The following PDE4D variants were observed in gnomAD, a reference collection of about 807,000 sequenced individuals.
PDE4D encodes 3',5'-cyclic-AMP phosphodiesterase 4D.
PDE4D carries 24 observed loss-of-function variants against 87.4 expected under a neutral mutation model. That is an observed-to-expected ratio of 0.27 (90% CI 0.20 to 0.39). The LOEUF (loss-of-function observed/expected upper bound fraction) is 0.39. Ranked by LOEUF, PDE4D falls within the 10% of genes least tolerant of loss-of-function variation. The pLI is 1.00. For synonymous variants in PDE4D, 384 were observed against 383.2 expected (o/e 1.00, Z -0.02); for missense variants, 714 against 1,041.0 (o/e 0.69, Z 4.32).
intron 1 of PDE4D, among the ~76,000 whole-genome samples, chr5:59,567,591 AT>A (rs1202864747): frequency 6.6e-6 from 1 of 152,300 alleles, no homozygotes; most frequent in Non-Finnish European, 1.5e-5. Context: ...ACACAAATAC[AT>A]TTTAAAATCT....
intron 5 of PDE4D, among the ~76,000 whole-genome samples, chr5:59,052,485 C>T (rs1761699014): frequency 6.6e-6 from 1 of 152,044 alleles, no homozygotes; most frequent in Admixed American, 6.6e-5. Context: ...GCACTGGTAG[C>T]CTAAGAGGAT....
chr5:59,231,587 T>A (rs922826042), intron 1 of PDE4D, among the ~76,000 whole-genome samples: 1 of 152,240 alleles, frequency 6.6e-6, no homozygotes, highest in Non-Finnish European at 1.5e-5. Flanking sequence ...TGATGAAGAA[T>A]GAGTTTATTT....
intron 8 of PDE4D, among the ~76,000 whole-genome samples, chr5:58,991,415 T>C (rs1054445914): frequency 1.3e-5 from 2 of 152,246 alleles, no homozygotes; most frequent in Admixed American, 6.5e-5. Flanking sequence ...TTAGGCACAT[T>C]TACTTAAATG....
chr5:59,909,358 T>C (rs1409309037), intron 3 of PDE4D, among the ~76,000 whole-genome samples: 2 of 151,728 alleles, frequency 1.3e-5, no homozygotes, highest in East Asian at 3.9e-4. Context: ...TGGAGTAAGG[T>C]TCAGGAATCG....
intron 1 of PDE4D, among the ~76,000 whole-genome samples, chr5:59,266,040 T>C (rs1205805175): frequency 6.6e-6 from 1 of 152,048 alleles, no homozygotes; most frequent in Non-Finnish European, 1.5e-5. Flanking sequence ...CTTTCACACA[T>C]TTGCCTGACA....
intron 5 of PDE4D, among the ~76,000 whole-genome samples, chr5:59,075,182 T>G (rs1379673849): frequency 6.6e-6 from 1 of 151,502 alleles, no homozygotes; most frequent in East Asian, 1.9e-4. Context: ...GTAACTAGTT[T>G]CCATGGATGG....
intron 1 of PDE4D, among the ~76,000 whole-genome samples, chr5:59,751,129 G>A (rs1164643864): frequency 2.0e-5 from 3 of 152,114 alleles, no homozygotes; most frequent in Non-Finnish European, 2.9e-5. Flanking sequence ...TGATAAAATA[G>A]AGAAAATTAC....
intron 1 of PDE4D, among the ~76,000 whole-genome samples, chr5:59,224,675 A>G (rs1349605880): frequency 6.6e-6 from 1 of 152,182 alleles, no homozygotes; most frequent in African/African-American, 2.4e-5. Context: ...TTGAGGTTAA[A>G]TCTATCTTGT....
At chr5:59,922,629 G>A (rs77084522) in intron 3 of PDE4D, among the ~76,000 whole-genome samples, 3,265 of 152,176 alleles carry the variant, frequency 0.021, 122 homozygotes, top group African/African-American at 0.075. Flanking sequence ...GCCTTGAAGG[G>A]AAGGAAGCAG....
At chr5:59,257,964 A>G (rs960015127) in intron 1 of PDE4D, among the ~76,000 whole-genome samples, 1 of 151,880 alleles carries the variant, frequency 6.6e-6, no homozygotes, top group Admixed American at 6.6e-5. Flanking sequence ...AAAGACAAAC[A>G]CTGGAGACTT....
chr5:60,130,375 G>A lies in PDE4D; in HGVS notation c.42+55182C>T, dbSNP rs185063814. 1.0e-3 allele frequency among the ~76,000 whole-genome samples: 157 copies of A among 152,238 alleles called. 2 individuals are homozygous for A. Among genetic ancestry groups the A allele is most frequent in the Admixed American group, 1.8e-3 (27 of 15,280 alleles). On this transcript the variant is annotated intron_variant, in intron 2 of 16. Coordinates refer to the PDE4D transcript ENST00000502484. ...AGAAAAAAGTTACTGGAATTTCTCA[G>A]GCAAGTTCAAAGGACATATTTTTTC...
chr5:59,437,376 C>A (rs1055980407), intron 1 of PDE4D, among the ~76,000 whole-genome samples: 1 of 152,180 alleles, frequency 6.6e-6, no homozygotes, highest in African/African-American at 2.4e-5. Context: ...TGCCAAGATA[C>A]AAACGGTTGC....
At chr5:60,318,634 T>C (rs1755881706) in intron 1 of PDE4D, among the ~76,000 whole-genome samples, 1 of 152,202 alleles carries the variant, frequency 6.6e-6, no homozygotes, top group South Asian at 2.1e-4. Context: ...GGTTTTTCCT[T>C]TCCATGTTTA....
chr5:59,628,164 T>C (rs1222297588), intron 1 of PDE4D, among the ~76,000 whole-genome samples: 1 of 152,190 alleles, frequency 6.6e-6, no homozygotes, highest in Admixed American at 6.5e-5. Flanking sequence ...GGGGTATTTT[T>C]AACTTAATAA....
At chr5:60,070,742 T>C (rs1320877779) in intron 2 of PDE4D, among the ~76,000 whole-genome samples, 2 of 152,094 alleles carry the variant, frequency 1.3e-5, no homozygotes, top group East Asian at 3.8e-4. Flanking sequence ...TGAAAAGTTT[T>C]AGAAGAAATG....
intron 1 of PDE4D, among the ~76,000 whole-genome samples, chr5:59,758,105 C>T (rs1761507545): frequency 6.6e-6 from 1 of 152,124 alleles, no homozygotes; most frequent in Non-Finnish European, 1.5e-5. Context: ...GAAGGTAATG[C>T]TGAAAGAAAG....
intron 1 of PDE4D, among the ~76,000 whole-genome samples, chr5:60,515,798 C>T (rs1181943274): frequency 6.6e-6 from 1 of 151,950 alleles, no homozygotes; most frequent in Non-Finnish European, 1.5e-5. Context: ...ACAAACCAGA[C>T]TCATTTTCAA....
intron 3 of PDE4D, among the ~76,000 whole-genome samples, chr5:59,973,468 A>G (rs960434494): frequency 6.6e-6 from 1 of 150,940 alleles, no homozygotes; most frequent in Non-Finnish European, 1.5e-5. Flanking sequence ...TTTAATGACT[A>G]TATCATAATC....
In PDE4D at chr5:59,582,276, C is replaced by T. The variant is rs73758815; in HGVS notation, c.455+310892G>A. ...TTTCCTTCAACGTATACATAGTCAT[C>T]AAACTCAATATTGCTCCCACCCCCT... On this transcript the variant is annotated intron_variant, in intron 1 of 14. Transcript: ENST00000340635. 7.8e-3 allele frequency among the ~76,000 whole-genome samples: 1,194 copies of T among 152,262 alleles called. 13 individuals carry two copies. The highest frequency in any genetic ancestry group is 0.027 in the African/African-American group (1,104 of 41,538).
Sources: allele counts gnomAD v4.1 joint callset (sites outside exome capture counted in the v4.1 genomes callset), GRCh38; gene constraint gnomAD v4.1.1; transcripts MANE v1.5; gene names NCBI Gene and HGNC (gene_info 2026-07-23, HGNC 2026-07-21).